GNB1: variants seen among roughly 807,000 people sequenced by gnomAD.
The protein encoded by GNB1 is G protein subunit beta 1, also known as guanine nucleotide-binding protein G(I)/G(S)/G(T) subunit beta-1.
Under a neutral mutation model 42.9 loss-of-function variants are expected in GNB1, and 2 were observed. The ratio of observed to expected loss-of-function variants is 0.05; its 90% CI spans 0.02 to 0.15. GNB1 has a LOEUF of 0.15. Ranked by LOEUF, GNB1 falls within the 10% of genes least tolerant of loss-of-function variation. The probability of loss-of-function intolerance (pLI) is 1.00; values close to 1 mark genes in which losing one functional copy is unlikely to be tolerated. For missense variants in GNB1, 193 were observed against 462.2 expected (o/e 0.42, Z 5.34); for synonymous variants, 183 against 174.7 (o/e 1.05, Z -0.38).
intron 3 of GNB1, among the ~76,000 whole-genome samples, chr1:1,821,479 T>A (rs1030539054): frequency 6.6e-6 from 1 of 152,242 alleles, no homozygotes. Flanking sequence ...TACAATTTCT[T>A]GTTTGATTCA....
chr1:1,819,517 G>A (rs911696939), intron 3 of GNB1, among the ~76,000 whole-genome samples: 2 of 151,494 alleles, frequency 1.3e-5, no homozygotes, highest in African/African-American at 4.8e-5. Flanking sequence ...CACCCCGCCT[G>A]GCCTCTTTTT....
At position 1,848,357 on chromosome 1, in the gene GNB1, C is replaced by T. The variant is rs72634854; in HGVS notation, c.-95-9119G>A. On this transcript the variant is annotated intron_variant, in intron 1 of 11. Coordinates refer to ENST00000378609, the MANE Select transcript of GNB1 (RefSeq NM_002074.5). ...CTGAGCCATTGCACTCCAGCCCAGG[C>T]AAAAAAAAAAAAAAAAAGAAAAAGA... Among the ~76,000 whole-genome samples the T allele has an allele frequency of 1.9e-3, 177 of 94,342 alleles. 2 individuals carry two copies. The highest frequency in any genetic ancestry group is 0.01 in the Middle Eastern group (2 of 198). 61.9% of individuals were successfully genotyped at this position (94,342 alleles called of 152,430 possible). A position where few individuals can be genotyped will look rare whatever the true frequency, so the allele number is the denominator to read the frequency against.
chr1:1,866,630 G>A (rs1218052569), intron 1 of GNB1, among the ~76,000 whole-genome samples: 4 of 73,154 alleles, frequency 5.5e-5, no homozygotes, highest in Non-Finnish European at 1.5e-4. Flanking sequence ...AATAGCTGAT[G>A]AGCTTAAAAA....
intron 7 of GNB1, among the ~76,000 whole-genome samples, chr1:1,802,821 C>T (rs1389033343): frequency 6.6e-6 from 1 of 150,870 alleles, no homozygotes; most frequent in African/African-American, 2.4e-5. Context: ...TAAAGCCATG[C>T]TTAGAGGGAA....
intron 7 of GNB1, among the ~76,000 whole-genome samples, chr1:1,801,993 G>A (rs750534243): frequency 6.6e-6 from 1 of 152,154 alleles, no homozygotes; most frequent in Non-Finnish European, 1.5e-5. Flanking sequence ...CATCATGAGA[G>A]CAGGGTCACA....
intron 2 of GNB1, among the ~76,000 whole-genome samples, chr1:1,829,245 C>T (rs928578608): frequency 3.3e-5 from 5 of 152,006 alleles, no homozygotes; most frequent in Admixed American, 6.6e-5. Context: ...TTAGTAGAGA[C>T]GGGGTTTCAC....
intron 1 of GNB1, among the ~76,000 whole-genome samples, chr1:1,881,184 A>T (rs920632098): frequency 9.2e-5 from 14 of 152,154 alleles, no homozygotes; most frequent in Non-Finnish European, 1.9e-4. Flanking sequence ...GGGCAGACGG[A>T]AACCTGTGGT....
intron 1 of GNB1, among the ~76,000 whole-genome samples, chr1:1,843,475 G>A (rs916461516): frequency 8.5e-5 from 13 of 152,126 alleles, no homozygotes; most frequent in Non-Finnish European, 1.3e-4. Flanking sequence ...GATCCTTGCA[G>A]GTCGGCCTTC....
Position 1,787,045 on chromosome 1 carries a change from A to C in GNB1, c.*18T>G. ...GGAATGGTCTTCCAGTCTCCATGGC[A>C]TCCACATGCTGTTTTAAACAGAGTT... On this transcript the variant is annotated 3_prime_UTR_variant, in exon 12 of 12. Transcript: ENST00000378609. The surrounding 1 kb of genome is among the most constrained non-coding windows in gnomAD (Gnocchi z 4.4). 1 of 270,420 alleles carries C rather than the reference A, an allele frequency of 3.7e-6. No individual in the cohort carries two copies. Among genetic ancestry groups the C allele is most frequent in the African/African-American group, 2.2e-5 (1 of 44,654 alleles). The allele number at this position is 270,420 out of a possible 1,614,324, so 16.8% of individuals were successfully genotyped here. A position where few individuals can be genotyped will look rare whatever the true frequency, so the allele number is the denominator to read the frequency against.
chr1:1,860,698 G>A (rs1191571589), intron 1 of GNB1, among the ~76,000 whole-genome samples: 1 of 151,130 alleles, frequency 6.6e-6, no homozygotes, highest in Non-Finnish European at 1.5e-5. Flanking sequence ...GGGCAACAGA[G>A]CAAGACTCTG....
chr1:1,807,490 A>AAAAAAAAAAAAAAAAAAAAAAC (rs1646717062), intron 5 of GNB1, among the ~76,000 whole-genome samples: 2 of 146,230 alleles, frequency 1.4e-5, no homozygotes, highest in African/African-American at 5.1e-5. Flanking sequence ...AAAAAAAAAA[A>AAAAAAAAAAAAAAAAAAAAAAC]AAACAAACAG....
chr1:1,856,278 T>C (rs943726556), intron 1 of GNB1, among the ~76,000 whole-genome samples: 1 of 152,154 alleles, frequency 6.6e-6, no homozygotes, highest in African/African-American at 2.4e-5. Flanking sequence ...TGCCACAACC[T>C]CCTGAATAGG....
intron 1 of GNB1, among the ~76,000 whole-genome samples, chr1:1,877,431 A>G (rs1172686538): frequency 6.6e-6 from 1 of 151,788 alleles, no homozygotes; most frequent in African/African-American, 2.4e-5. Flanking sequence ...ATAATCTTAC[A>G]TGGTTATTTC....
intron 1 of GNB1, among the ~76,000 whole-genome samples, chr1:1,862,358 T>C (rs999808431): frequency 6.6e-6 from 1 of 152,178 alleles, no homozygotes; most frequent in African/African-American, 2.4e-5. Context: ...AATTAGGAGA[T>C]GATTACAACA....
chr1:1,873,851 C>G (rs1291248114), intron 1 of GNB1, among the ~76,000 whole-genome samples: 1 of 152,118 alleles, frequency 6.6e-6, no homozygotes. Context: ...CTGGACTGGA[C>G]AATTCTCCAT....
chr1:1,788,941 GC>G, intron 10 of GNB1, 111 bp downstream of exon 10: 2 of 767,576 alleles, frequency 2.6e-6, no homozygotes, highest in Non-Finnish European at 4.4e-6. Context: ...GCTACGCCAT[GC>G]CACAGTCCCA....
In GNB1 at chr1:1,785,709, G is replaced by A. The variant is rs1478987213; in HGVS notation, c.*1354C>T. The A allele has an allele frequency of 3.1e-6, 1 of 325,586 alleles. No homozygotes were observed. Among genetic ancestry groups the A allele is most frequent in the African/African-American group, 2.1e-5 (1 of 47,396 alleles). 20.2% of individuals were successfully genotyped at this position (325,586 alleles called of 1,614,324 possible). ...CACCTCAGATGTGGAGGGCCCTGAA[G>A]AATCCATATAGGAGGGCAGGCTCTT... On this transcript the variant is annotated 3_prime_UTR_variant, in exon 12 of 12. Transcript: ENST00000378609.
chr1:1,834,456 T>C (rs1319108428), intron 2 of GNB1, among the ~76,000 whole-genome samples: 2 of 152,132 alleles, frequency 1.3e-5, no homozygotes, highest in African/African-American at 4.8e-5. Context: ...ACTAGGACAA[T>C]TGGAAATCAT....
intron 1 of GNB1, among the ~76,000 whole-genome samples, chr1:1,888,365 C>T (rs1195027855): frequency 1.4e-5 from 2 of 144,388 alleles, no homozygotes; most frequent in Non-Finnish European, 1.5e-5. Flanking sequence ...AACTCTCAAT[C>T]TCAAAAAAAA....
Sources: allele counts gnomAD v4.1 joint callset (sites outside exome capture counted in the v4.1 genomes callset), GRCh38; gene constraint gnomAD v4.1.1; non-coding constraint Gnocchi (gnomAD v3.1); transcripts MANE v1.5; gene names NCBI Gene and HGNC (gene_info 2026-07-23, HGNC 2026-07-21).